Variants in OLFM4 observed in about 807,000 individuals in gnomAD.
OLFM4 encodes the protein olfactomedin-4.
Under a neutral mutation model 25.5 loss-of-function variants are expected in OLFM4, and 22 were observed. That is an observed-to-expected ratio of 0.86 (90% CI 0.62 to 1.23). The LOEUF (loss-of-function observed/expected upper bound fraction) is 1.23. OLFM4 is among the 50% of genes most tolerant of loss of function. The pLI is 0.00. For missense variants in OLFM4, 594 were observed against 619.4 expected (o/e 0.96, Z 0.44); for synonymous variants, 255 against 237.7 (o/e 1.07, Z -0.67).
Position 53,034,344 on chromosome 13 carries a change from G to A in OLFM4, c.205-4G>A, listed in dbSNP as rs2298230. The A allele has an allele frequency of 0.4, 644,192 of 1,603,568 alleles. 133,202 individuals are homozygous for A. Among genetic ancestry groups the A allele is most frequent in the Middle Eastern group, 0.53 (3,162 of 6,004 alleles). ...ATTGATGTTCAACTTGTTATTATTT[G>A]CAGTTGTTTTCCAATTTCACCGGCT... On this transcript the variant is annotated splice_region_variant and splice_polypyrimidine_tract_variant and intron_variant, in intron 1 of 4. Transcript: ENST00000219022.
intron 3 of OLFM4, among the ~76,000 whole-genome samples, chr13:53,042,848 A>G (rs1954694781): frequency 6.6e-6 from 1 of 152,210 alleles, no homozygotes; most frequent in African/African-American, 2.4e-5. Flanking sequence ...ACATTTGTGG[A>G]TGCTGAGGAT....
At position 53,029,051 on chromosome 13, in the gene OLFM4, C is replaced by T. The variant is rs1193003893; in HGVS notation, c.204+11C>T. The T allele has an allele frequency of 2.0e-5, 32 of 1,613,426 alleles. No homozygotes were observed. The highest frequency in any genetic ancestry group is 2.7e-5 in the African/African-American group (2 of 74,870). ...GGTTCTGTGTCCCAGGTGAGGAGGC[C>T]CCAGAATCTGAATGAGCTGCATTCA... On this transcript the variant is annotated intron_variant, in intron 1 of 4. Transcript: ENST00000219022.
At chr13:53,029,430 A>C (rs531642370) in intron 1 of OLFM4, among the ~76,000 whole-genome samples, 1 of 152,330 alleles carries the variant, frequency 6.6e-6, no homozygotes, top group East Asian at 1.9e-4. Context: ...TCTAATATAT[A>C]GTCCAAGATG....
chr13:53,045,057 CA>C (rs1334035119), intron 4 of OLFM4, among the ~76,000 whole-genome samples: 1 of 152,100 alleles, frequency 6.6e-6, no homozygotes, highest in African/African-American at 2.4e-5. Flanking sequence ...TGAGGCCACA[CA>C]AGTAGTTAAT....
chr13:53,043,089 ATTT>A lies in OLFM4; in HGVS notation c.571-13_571-11del, dbSNP rs1423732042. The A allele has an allele frequency of 6.4e-7, 1 of 1,569,764 alleles. No individual in the cohort carries two copies. Among genetic ancestry groups the A allele is most frequent in the African/African-American group, 1.4e-5 (1 of 72,632 alleles). On this transcript the variant is annotated splice_polypyrimidine_tract_variant and intron_variant, in intron 3 of 4. Coordinates refer to ENST00000219022, the MANE Select transcript of OLFM4 (RefSeq NM_006418.5). ...GCACCATAATATAAAGTCACTCTGA[ATTT>A]TTATTTCCTTAGATAAGAAATATGA...
Position 53,028,914 on chromosome 13 carries a change from A to T in OLFM4, c.78A>T (p.Gly26=), listed in dbSNP as rs200914894. 2.2e-5 allele frequency: 36 copies of T among 1,614,060 alleles called. No individual in the cohort carries two copies. The highest frequency in any genetic ancestry group is 3.0e-5 in the Non-Finnish European group (35 of 1,180,010). Residue 26 remains glycine (G), a synonymous_variant, in exon 1 of 5, where the codon GGA becomes GGT. Coordinates refer to ENST00000219022, the MANE Select transcript of OLFM4 (RefSeq NM_006418.5). ...CTGCAGGGGATTTGGGGGATGTGGGACCTCCAATTCCCAGCCCCGGCTTCA... is the reference window on the plus strand; with the variant it reads ...CTGCAGGGGATTTGGGGGATGTGGGTCCTCCAATTCCCAGCCCCGGCTTCA... ...GQAAGDLGDV[G]PPIPSPGFSS...
At chr13:53,042,964 A>G in intron 3 of OLFM4, 141 bp from the exon 4 acceptor site, 1 of 618,796 alleles carries the variant, frequency 1.6e-6, no homozygotes, top group Non-Finnish European at 2.7e-6. Flanking sequence ...CATAAAATGT[A>G]TTCTTCCAAA....
In OLFM4 at chr13:53,050,157, A is replaced by T. The variant is rs139638561; in HGVS notation, c.919A>T (p.Asn307Tyr). The T allele has an allele frequency of 5.9e-5, 95 of 1,613,858 alleles. No individual in the cohort carries two copies. The highest frequency in any genetic ancestry group is 6.9e-5 in the Non-Finnish European group (81 of 1,179,944). Residue 307 changes from asparagine (N) to tyrosine (Y), a missense_variant, in exon 5 of 5, where the codon AAC (asparagine) becomes TAC (tyrosine). Coordinates refer to ENST00000219022, the MANE Select transcript of OLFM4 (RefSeq NM_006418.5). Reference protein sequence around the residue: ...GRLLEYYRLYNTLDDLLLYIN... With the variant: ...GRLLEYYRLYYTLDDLLLYIN... ...ACTGTTGGAGTATTATAGACTGTAC[A>T]ACACACTGGATGATTTGCTATTGTA...
At chr13:53,034,071 A>G (rs1330141209) in intron 1 of OLFM4, among the ~76,000 whole-genome samples, 1 of 151,484 alleles carries the variant, frequency 6.6e-6, no homozygotes, top group Non-Finnish European at 1.5e-5. Context: ...AAAAAAAAAA[A>G]AAAAAAAAAA....
chr13:53,050,819 G>A lies in OLFM4; in HGVS notation c.*48G>A, dbSNP rs376332856. ...AGAGAAAATGTTTGTTGAAAAAATA[G>A]TCTTCTCCACTTACTTAGATATCTG... On this transcript the variant is annotated 3_prime_UTR_variant, in exon 5 of 5. Coordinates refer to ENST00000219022, the MANE Select transcript of OLFM4 (RefSeq NM_006418.5). The A allele has an allele frequency of 2.1e-4, 318 of 1,490,034 alleles. No individual in the cohort carries two copies. The highest frequency in any genetic ancestry group is 2.6e-4 in the Non-Finnish European group (291 of 1,112,566). The allele number at this position is 1,490,034 out of a possible 1,614,324, so 92.3% of individuals were successfully genotyped here.
At chr13:53,049,032 G>A (rs2138243026) in intron 4 of OLFM4, among the ~76,000 whole-genome samples, 1 of 152,272 alleles carries the variant, frequency 6.6e-6, no homozygotes, top group Non-Finnish European at 1.5e-5. Flanking sequence ...CGCCCAGACT[G>A]AGTTATTTAC....
chr13:53,032,937 T>G (rs1447471034), intron 1 of OLFM4, among the ~76,000 whole-genome samples: 2 of 152,106 alleles, frequency 1.3e-5, no homozygotes, highest in African/African-American at 4.8e-5. Context: ...TTGAGAGACA[T>G]GGCCAGAGTC....
intron 4 of OLFM4, among the ~76,000 whole-genome samples, chr13:53,047,145 TTGG>T (rs1227553626): frequency 1.3e-5 from 2 of 152,236 alleles, no homozygotes; most frequent in Admixed American, 6.5e-5. Context: ...TGGATCATGA[TTGG>T]GCAATGGGCT....
At chr13:53,029,095 T>C in intron 1 of OLFM4, 55 bp downstream of exon 1, 1 of 1,603,138 alleles carries the variant, frequency 6.2e-7, no homozygotes, top group Non-Finnish European at 8.5e-7. Flanking sequence ...CATTTGCTTT[T>C]GGGTACCTGA....
chr13:53,031,943 G>C (rs1207562786), intron 1 of OLFM4, among the ~76,000 whole-genome samples: 2 of 152,232 alleles, frequency 1.3e-5, no homozygotes, highest in Non-Finnish European at 2.9e-5. Flanking sequence ...ACCGCAGAGA[G>C]AGACTCATCA....
chr13:53,031,143 G>C (rs542236813), intron 1 of OLFM4, among the ~76,000 whole-genome samples: 6 of 152,274 alleles, frequency 3.9e-5, no homozygotes, highest in Admixed American at 3.9e-4. Context: ...ATTGGACTTA[G>C]AGGTTTTAAT....
chr13:53,034,298 A>G (rs1954645628), intron 1 of OLFM4, 50 bp from the exon 2 acceptor site: 1 of 1,592,550 alleles, frequency 6.3e-7, no homozygotes, highest in African/African-American at 1.4e-5. Flanking sequence ...CAGTTGCCAA[A>G]AGCTCAGATT....
chr13:53,033,314 A>G (rs548467902), intron 1 of OLFM4, among the ~76,000 whole-genome samples: 4 of 152,322 alleles, frequency 2.6e-5, no homozygotes, highest in Admixed American at 6.5e-5. Flanking sequence ...AAAAAATTGC[A>G]CAAAACCTTC....
At chr13:53,038,313 A>T (rs1481448567) in intron 2 of OLFM4, among the ~76,000 whole-genome samples, 2 of 152,170 alleles carry the variant, frequency 1.3e-5, no homozygotes, top group Non-Finnish European at 2.9e-5. Flanking sequence ...ATACAGCCAT[A>T]GGTCAGCTAA....
Sources: gnomAD v4.1 joint callset for allele counts (sites outside exome capture counted in the v4.1 genomes callset) on GRCh38, gnomAD v4.1.1 for gene constraint, MANE v1.5 for transcripts, NCBI Gene and HGNC (gene_info 2026-07-23, HGNC 2026-07-21) for gene names.